FAM83B: variants seen among roughly 807,000 people sequenced by gnomAD.
The protein encoded by FAM83B is scaffolding CK1 anchoring protein B.
FAM83B carries 26 observed loss-of-function variants against 38.8 expected under a neutral mutation model. That is an observed-to-expected ratio of 0.67 (90% CI 0.49 to 0.93). The LOEUF (loss-of-function observed/expected upper bound fraction) is 0.93, where lower values mean the gene tolerates loss of function less well. Among genes scored for constraint, FAM83B ranks in the 40% least tolerant of loss-of-function variants. The probability of loss-of-function intolerance (pLI) is 0.00; values close to 1 mark genes in which losing one functional copy is unlikely to be tolerated. For missense variants in FAM83B, 1,237 were observed against 1,197.3 expected (o/e 1.03, Z -0.49); for synonymous variants, 419 against 423.1 (o/e 0.99, Z 0.12).
chr6:54,907,059 C>T (rs1158303832), intron 2 of FAM83B, among the ~76,000 whole-genome samples: 1 of 152,098 alleles, frequency 6.6e-6, no homozygotes. Flanking sequence ...ATACTCATTA[C>T]AGTTATATGG....
intron 2 of FAM83B, among the ~76,000 whole-genome samples, chr6:54,916,197 T>A (rs2127585918): frequency 6.6e-6 from 1 of 152,276 alleles, no homozygotes; most frequent in East Asian, 1.9e-4. Flanking sequence ...ATTTTCCTTA[T>A]GCAGAGGGAT....
chr6:54,919,912 A>C (rs1773133268), intron 2 of FAM83B, among the ~76,000 whole-genome samples: 2 of 152,066 alleles, frequency 1.3e-5, no homozygotes, highest in South Asian at 4.1e-4. Context: ...GGTGTGTGAG[A>C]CTCAAAGTCA....
At chr6:54,935,119 T>C (rs1253162017) in intron 4 of FAM83B, among the ~76,000 whole-genome samples, 1 of 152,206 alleles carries the variant, frequency 6.6e-6, no homozygotes, top group African/African-American at 2.4e-5. Context: ...ATAAACATCT[T>C]TGCCTTTTAG....
rs1010857818 is a variant in FAM83B, at chr6:54,944,872, T to C, written c.*2865T>C. 6.6e-6 allele frequency: 1 copy of C among 152,148 alleles called. No homozygotes were observed. The highest frequency in any genetic ancestry group is 1.5e-5 in the Non-Finnish European group (1 of 68,024). The allele number at this position is 152,148 out of a possible 1,614,324, so 9.4% of individuals were successfully genotyped here. A position where few individuals can be genotyped will look rare whatever the true frequency, so the allele number is the denominator to read the frequency against. On this transcript the variant is annotated 3_prime_UTR_variant, in exon 5 of 5. Transcript: ENST00000306858. The stretch of plus-strand genomic sequence containing the variant: ...GAATATTTAAAACAAAAGGATAAAA[T>C]GATAAACCAAAGAGTCAACTTGTTA...
At chr6:54,896,287 A>G (rs954479187) in intron 2 of FAM83B, among the ~76,000 whole-genome samples, 1 of 152,158 alleles carries the variant, frequency 6.6e-6, no homozygotes, top group Non-Finnish European at 1.5e-5. Context: ...TTAACATTCT[A>G]CCTTTCTGGA....
At chr6:54,911,945 C>A (rs989671930) in intron 2 of FAM83B, among the ~76,000 whole-genome samples, 1 of 151,902 alleles carries the variant, frequency 6.6e-6, no homozygotes, top group African/African-American at 2.4e-5. Context: ...TTTTTAAATG[C>A]CATTTTATAT....
rs1773750729 is a variant in FAM83B, at chr6:54,943,683, C to T, written c.*1676C>T. On this transcript the variant is annotated 3_prime_UTR_variant, in exon 5 of 5. Coordinates refer to ENST00000306858, the MANE Select transcript of FAM83B (RefSeq NM_001010872.3). ...AAAGAAAACCTAACAAAGCCCAGAA[C>T]CCACAGTTAACCAAACTAGACTGAC... The T allele has an allele frequency of 6.6e-6, 1 of 152,030 alleles. No individual in the cohort carries two copies. The highest frequency in any genetic ancestry group is 2.4e-5 in the African/African-American group (1 of 41,390). 9.4% of individuals were successfully genotyped at this position (152,030 alleles called of 1,614,324 possible). A position where few individuals can be genotyped will look rare whatever the true frequency, so the allele number is the denominator to read the frequency against.
intron 1 of FAM83B, among the ~76,000 whole-genome samples, chr6:54,865,590 T>G (rs1423657388): frequency 6.6e-6 from 1 of 152,210 alleles, no homozygotes; most frequent in Non-Finnish European, 1.5e-5. Context: ...GAAAATGGAC[T>G]GCAGTGATGT....
chr6:54,883,456 TC>T (rs1450361988), intron 2 of FAM83B, among the ~76,000 whole-genome samples: 1 of 148,386 alleles, frequency 6.7e-6, no homozygotes, highest in Non-Finnish European at 1.5e-5. Context: ...TGCCTCAACC[TC>T]CCGAGTAGCT....
chr6:54,882,282 A>G (rs1290064743), intron 2 of FAM83B, among the ~76,000 whole-genome samples: 1 of 152,190 alleles, frequency 6.6e-6, no homozygotes, highest in African/African-American at 2.4e-5. Context: ...ACATTTGTTA[A>G]TGACACCAGT....
At chr6:54,893,598 T>C (rs1398293307) in intron 2 of FAM83B, among the ~76,000 whole-genome samples, 1 of 152,170 alleles carries the variant, frequency 6.6e-6, no homozygotes, top group East Asian at 1.9e-4. Flanking sequence ...ATGCTGTATG[T>C]CCAACATACA....
rs528562817 is a variant in FAM83B at position 54,894,086 on chromosome 6, T to C, written c.444+23396T>C. 1.1e-4 allele frequency among the ~76,000 whole-genome samples: 17 copies of C among 152,360 alleles called. No homozygotes were observed. The East Asian group carries it at 3.3e-3, about 29-fold the overall frequency. ...GTGTTCCTTTCCACTAGGTCCTTTA[T>C]ATTTTTCTGTAGAGGCTTAACTTAA... On this transcript the variant is annotated intron_variant, in intron 2 of 4. Coordinates refer to ENST00000306858, the MANE Select transcript of FAM83B (RefSeq NM_001010872.3).
intron 2 of FAM83B, among the ~76,000 whole-genome samples, chr6:54,890,965 AT>A (rs1271784808): frequency 2.6e-5 from 4 of 151,360 alleles, no homozygotes; most frequent in Non-Finnish European, 4.4e-5. Context: ...AAAAAAAAAA[AT>A]AAAGTTGTGA....
chr6:54,897,827 T>G (rs239848), intron 2 of FAM83B, among the ~76,000 whole-genome samples: 26,605 of 152,094 alleles, frequency 0.17, 2,500 homozygotes, highest in Middle Eastern at 0.27. Context: ...CCTGAACTAT[T>G]TATTTTCTAA....
chr6:54,855,768 G>A (rs1391229896), intron 1 of FAM83B, among the ~76,000 whole-genome samples: 1 of 152,192 alleles, frequency 6.6e-6, no homozygotes, highest in Non-Finnish European at 1.5e-5. Context: ...AAAAGTGGGG[G>A]CAGGAGCCCT....
chr6:54,850,281 C>A (rs1392923252), intron 1 of FAM83B, among the ~76,000 whole-genome samples: 1 of 152,170 alleles, frequency 6.6e-6, no homozygotes, highest in Non-Finnish European at 1.5e-5. Context: ...ATTCTTTAGG[C>A]TTGCAGGTTT....
chr6:54,896,771 A>G (rs964102456), intron 2 of FAM83B, among the ~76,000 whole-genome samples: 6 of 152,210 alleles, frequency 3.9e-5, no homozygotes, highest in Non-Finnish European at 8.8e-5. Context: ...TCTATATTTA[A>G]TAGTATTTTC....
At chr6:54,876,177 G>A (rs1477887620) in intron 2 of FAM83B, among the ~76,000 whole-genome samples, 1 of 151,224 alleles carries the variant, frequency 6.6e-6, no homozygotes, top group African/African-American at 2.4e-5. Context: ...TTACTTATGG[G>A]TGTCAGTAAG....
chr6:54,929,825 G>GT (rs545236955), intron 4 of FAM83B, among the ~76,000 whole-genome samples: 326 of 151,330 alleles, frequency 2.2e-3, no homozygotes, highest in Non-Finnish European at 4.0e-3. Context: ...GGAGTAGACA[G>GT]TTTTTTTTTA....
Sources: allele counts gnomAD v4.1 joint callset (sites outside exome capture counted in the v4.1 genomes callset), GRCh38; gene constraint gnomAD v4.1.1; transcripts MANE v1.5; gene names NCBI Gene and HGNC (gene_info 2026-07-23, HGNC 2026-07-21).